GALNT1: variants seen among roughly 807,000 people sequenced by gnomAD.
The protein encoded by GALNT1 is GalNAc transferase 1.
Under a neutral mutation model 65.7 loss-of-function variants are expected in GALNT1, and 17 were observed. The ratio of observed to expected loss-of-function variants is 0.26; its 90% CI spans 0.18 to 0.39. The LOEUF is 0.39. Ranked by LOEUF, GALNT1 falls within the 10% of genes least tolerant of loss-of-function variation. GALNT1 has a pLI of 1.00. For synonymous variants in GALNT1, 210 were observed against 219.7 expected, an observed-to-expected ratio of 0.96 and a Z score of 0.39; for missense variants, 460 against 672.8, an observed-to-expected ratio of 0.68 and a Z score of 3.50.
chr18:35,672,965 T>C (rs1393132790), intron 3 of GALNT1, among the ~76,000 whole-genome samples: 1 of 152,160 alleles, frequency 6.6e-6, no homozygotes, highest in South Asian at 2.1e-4. Context: ...GTATAGTTAG[T>C]AAGTGACGCA....
At chr18:35,699,159 C>T (rs1386425697) in intron 9 of GALNT1, among the ~76,000 whole-genome samples, 1 of 152,138 alleles carries the variant, frequency 6.6e-6, no homozygotes. Context: ...TGTATGCCCC[C>T]TCTAATTCTC....
chr18:35,668,221 G>A (rs756898759), intron 3 of GALNT1, among the ~76,000 whole-genome samples: 22 of 152,126 alleles, frequency 1.4e-4, no homozygotes, highest in Non-Finnish European at 2.2e-4. Context: ...AAATAAAAAC[G>A]TACAGTAGAG....
rs1218245132 is a variant in GALNT1, at chr18:35,709,818, C to T, written c.*48C>T. 3 of 1,601,822 alleles carry T rather than the reference C, an allele frequency of 1.9e-6. No individual in the cohort carries two copies. The highest frequency in any genetic ancestry group is 3.4e-5 in the Admixed American group (2 of 59,420). On this transcript the variant is annotated 3_prime_UTR_variant, in exon 12 of 12. Coordinates refer to ENST00000269195, the MANE Select transcript of GALNT1 (RefSeq NM_020474.4). Reference sequence around the variant, plus strand: ...AAAAAATAAGGATTGACTGGGCTACCTCAGCATACATTTCTGCCACATTCT... The same window carrying T: ...AAAAAATAAGGATTGACTGGGCTACTTCAGCATACATTTCTGCCACATTCT...
chr18:35,657,857 C>A (rs1299582097), intron 2 of GALNT1, among the ~76,000 whole-genome samples: 1 of 152,030 alleles, frequency 6.6e-6, no homozygotes, highest in Non-Finnish European at 1.5e-5. Context: ...ACGGTAGTTA[C>A]AAGAGAGAAA....
chr18:35,699,730 G>T (rs1456089588), intron 9 of GALNT1, among the ~76,000 whole-genome samples: 2 of 152,106 alleles, frequency 1.3e-5, no homozygotes, highest in Non-Finnish European at 2.9e-5. Flanking sequence ...ATTCTTGAAT[G>T]TATTTTCTCT....
rs116096299 is a variant in GALNT1, at chr18:35,615,323, A to G, written c.-104+33461A>G. Among the ~76,000 whole-genome samples, 435 of 152,344 alleles carry G rather than the reference A, an allele frequency of 2.9e-3. 1 individual carries two copies. The highest frequency in any genetic ancestry group is 9.7e-3 in the African/African-American group (403 of 41,586). On this transcript the variant is annotated intron_variant, in intron 1 of 11. Coordinates refer to ENST00000269195, the MANE Select transcript of GALNT1 (RefSeq NM_020474.4). ...TGGAAAGCTAATACATGACAGAGCT[A>G]ATGTTACAAATCAAGGAAATGGAAT...
chr18:35,632,219 C>CA (rs2047023585), intron 1 of GALNT1, among the ~76,000 whole-genome samples: 1 of 152,010 alleles, frequency 6.6e-6, no homozygotes, highest in Non-Finnish European at 1.5e-5. Flanking sequence ...CATATGGAGC[C>CA]AAAAAAGAGC....
At chr18:35,692,145 C>A (rs773397262) in intron 8 of GALNT1, 36 bp from the exon 9 acceptor site, 2 of 1,567,066 alleles carry the variant, frequency 1.3e-6, no homozygotes, top group African/African-American at 2.7e-5. Context: ...CCTAAAACAA[C>A]ACTAATAATT....
intron 3 of GALNT1, among the ~76,000 whole-genome samples, chr18:35,665,965 G>A (rs979519061): frequency 2.6e-5 from 4 of 152,124 alleles, no homozygotes; most frequent in African/African-American, 9.7e-5. Flanking sequence ...TGACCAGAAG[G>A]TGATGAAGGG....
intron 1 of GALNT1, among the ~76,000 whole-genome samples, chr18:35,603,910 G>A (rs1287041064): frequency 2.0e-5 from 3 of 152,090 alleles, no homozygotes; most frequent in African/African-American, 7.3e-5. Flanking sequence ...GGAAATAAGA[G>A]GGTTTTTCTT....
chr18:35,582,001 G>T (rs886830295), intron 1 of GALNT1, 139 bp downstream of exon 1: 2 of 151,924 alleles, frequency 1.3e-5, no homozygotes, highest in African/African-American at 2.4e-5. Flanking sequence ...GCGCGGGCAC[G>T]CTCGGCGCGG....
chr18:35,685,088 T>G lies in GALNT1; in HGVS notation c.689+1490T>G, dbSNP rs574532498. ...TAGAAAAAGAGGAAACGAACCAAAC[T>G]CTTTTTATGAGGCTGGTATAACTGT... On this transcript the variant is annotated intron_variant, in intron 5 of 11. Transcript: ENST00000269195. Among the ~76,000 whole-genome samples, 6 of 152,166 alleles carry G rather than the reference T, an allele frequency of 3.9e-5. No individual in the cohort carries two copies. In the East Asian group the frequency reaches 1.2e-3, roughly 29 times the overall value.
intron 1 of GALNT1, among the ~76,000 whole-genome samples, chr18:35,603,997 G>A (rs2046614318): frequency 6.6e-6 from 1 of 152,056 alleles, no homozygotes; most frequent in Non-Finnish European, 1.5e-5. Context: ...ATGCCACTGG[G>A]GTTTGGTGTG....
intron 1 of GALNT1, among the ~76,000 whole-genome samples, chr18:35,590,876 G>A (rs1241151045): frequency 6.6e-6 from 1 of 152,188 alleles, no homozygotes; most frequent in Non-Finnish European, 1.5e-5. Context: ...TATTAGGACT[G>A]CAGAATAAAT....
rs181627104 is a variant in GALNT1 at position 35,585,434 on chromosome 18, T to C, written c.-104+3572T>C. Among the ~76,000 whole-genome samples the C allele has an allele frequency of 4.6e-5, 7 of 152,294 alleles. No homozygotes were observed. In the East Asian group the frequency reaches 1.4e-3, roughly 29 times the overall value. ...CTCTTGAGTGTATGGTGTTTAAGGG[T>C]AGGGATAACAGTTTACATTTATATC... On this transcript the variant is annotated intron_variant, in intron 1 of 11. Transcript: ENST00000269195.
At chr18:35,663,284 G>A (rs942613007) in intron 2 of GALNT1, among the ~76,000 whole-genome samples, 2 of 152,130 alleles carry the variant, frequency 1.3e-5, no homozygotes, top group South Asian at 2.1e-4. Context: ...GGAAAATTAG[G>A]TTCAATTCCC....
chr18:35,634,077 A>G (rs529357411), intron 1 of GALNT1, among the ~76,000 whole-genome samples: 1 of 152,174 alleles, frequency 6.6e-6, no homozygotes, highest in Non-Finnish European at 1.5e-5. Flanking sequence ...AAGGCTCTCC[A>G]TTGTTTATTT....
chr18:35,625,203 G>A (rs893081678), intron 1 of GALNT1, among the ~76,000 whole-genome samples: 8 of 152,144 alleles, frequency 5.3e-5, no homozygotes, highest in African/African-American at 1.9e-4. Context: ...AGAGTCCCGG[G>A]GAAAAGATAC....
At chr18:35,676,463 T>C (rs970279989) in intron 3 of GALNT1, among the ~76,000 whole-genome samples, 14 of 152,206 alleles carry the variant, frequency 9.2e-5, no homozygotes, top group African/African-American at 3.4e-4. Flanking sequence ...TTCCTTTTCT[T>C]CCAACTGCCA....
Sources: gnomAD v4.1 joint callset for allele counts (sites outside exome capture counted in the v4.1 genomes callset) on GRCh38, gnomAD v4.1.1 for gene constraint, MANE v1.5 for transcripts, NCBI Gene and HGNC (gene_info 2026-07-23, HGNC 2026-07-21) for gene names.